SYT1: variants seen among roughly 807,000 people sequenced by gnomAD.
SYT1 encodes synaptotagmin 1, also known as synaptotagmin-1.
A neutral mutation model predicts 44.8 loss-of-function variants in SYT1; 8 were observed. The observed-to-expected ratio is 0.18, with a 90% CI of 0.10 to 0.32. The LOEUF is 0.32. Among genes scored for constraint, SYT1 ranks in the 10% least tolerant of loss-of-function variants. The pLI, the probability that SYT1 is intolerant of heterozygous loss-of-function variation, is 1.00. For missense variants in SYT1, 286 were observed against 509.3 expected, an observed-to-expected ratio of 0.56 and a Z score of 4.22; for synonymous variants, 154 against 188.8, an observed-to-expected ratio of 0.82 and a Z score of 1.51.
At chr12:79,202,939 A>C (rs1873875419) in intron 3 of SYT1, among the ~76,000 whole-genome samples, 2 of 152,162 alleles carry the variant, frequency 1.3e-5, no homozygotes, top group Non-Finnish European at 2.9e-5. Flanking sequence ...TGTAGGGAAG[A>C]CACAACCCTG....
chr12:79,224,768 T>TATTATC (rs1875405053), intron 4 of SYT1, among the ~76,000 whole-genome samples: 1 of 122,344 alleles, frequency 8.2e-6, no homozygotes, highest in Non-Finnish European at 1.7e-5. Context: ...TTATTATTAT[T>TATTATC]ATTATTATTA....
At chr12:79,041,298 A>T (rs1873550497) in intron 2 of SYT1, among the ~76,000 whole-genome samples, 1 of 151,930 alleles carries the variant, frequency 6.6e-6, no homozygotes, top group Non-Finnish European at 1.5e-5. Context: ...CTTTTATTTC[A>T]TTGAGCAGTG....
intron 9 of SYT1, among the ~76,000 whole-genome samples, chr12:79,398,683 A>T (rs373531181): frequency 2.0e-5 from 3 of 152,208 alleles, no homozygotes; most frequent in African/African-American, 7.2e-5. Context: ...ATTTGTCAAC[A>T]GTAGACATGT....
At chr12:79,275,880 G>T (rs1378775098) in intron 4 of SYT1, among the ~76,000 whole-genome samples, 1 of 152,110 alleles carries the variant, frequency 6.6e-6, no homozygotes, top group Admixed American at 6.6e-5. Flanking sequence ...TAGCCCCACA[G>T]GAGACAGTAA....
intron 2 of SYT1, among the ~76,000 whole-genome samples, chr12:79,027,178 G>C (rs1872588365): frequency 6.6e-6 from 1 of 151,462 alleles, no homozygotes; most frequent in African/African-American, 2.4e-5. Flanking sequence ...TTCTTACCTG[G>C]ATCCTCAGCT....
chr12:79,139,041 G>A (rs532556379), intron 3 of SYT1, among the ~76,000 whole-genome samples: 2 of 152,310 alleles, frequency 1.3e-5, no homozygotes, highest in South Asian at 4.1e-4. Flanking sequence ...AGCCTCCAGT[G>A]TGGCTTAGCC....
At chr12:79,167,420 G>GTGTGTTTA (rs1871282592) in intron 3 of SYT1, among the ~76,000 whole-genome samples, 1 of 151,988 alleles carries the variant, frequency 6.6e-6, no homozygotes, top group Non-Finnish European at 1.5e-5. Context: ...GTGTGTGTTT[G>GTGTGTTTA]TGTGTGCTTG....
chr12:79,347,084 A>G (rs1592987143), intron 8 of SYT1, among the ~76,000 whole-genome samples: 2 of 133,206 alleles, frequency 1.5e-5, no homozygotes, highest in East Asian at 2.2e-4. Flanking sequence ...CTTAATGGTT[A>G]GGAGTAATTT....
chr12:79,206,248 T>A (rs1436981949), intron 3 of SYT1, among the ~76,000 whole-genome samples: 1 of 152,262 alleles, frequency 6.6e-6, no homozygotes, highest in Non-Finnish European at 1.5e-5. Context: ...ATACCATTTC[T>A]GCAAATATTG....
At chr12:79,145,152 C>T (rs1431810151) in intron 3 of SYT1, among the ~76,000 whole-genome samples, 1 of 152,176 alleles carries the variant, frequency 6.6e-6, no homozygotes, top group Non-Finnish European at 1.5e-5. Context: ...TACTCTTGTT[C>T]ATTTCTACTC....
At chr12:79,249,537 A>C (rs1666684803) in intron 4 of SYT1, among the ~76,000 whole-genome samples, 1 of 152,158 alleles carries the variant, frequency 6.6e-6, no homozygotes, top group Non-Finnish European at 1.5e-5. Context: ...CAGCCCAATC[A>C]GGTAGTTAAA....
intron 9 of SYT1, among the ~76,000 whole-genome samples, chr12:79,417,667 A>G (rs140404662): frequency 1.3e-5 from 2 of 152,152 alleles, no homozygotes; most frequent in Non-Finnish European, 2.9e-5. Context: ...TGCCTCTCCA[A>G]ATGGCATCAC....
At chr12:79,439,032 TACC>T (rs1348397265) in intron 9 of SYT1, among the ~76,000 whole-genome samples, 2 of 152,168 alleles carry the variant, frequency 1.3e-5, no homozygotes, top group Non-Finnish European at 2.9e-5. Flanking sequence ...CAATACATAC[TACC>T]ACATCTCTAA....
intron 8 of SYT1, among the ~76,000 whole-genome samples, chr12:79,336,749 C>T (rs1380397247): frequency 6.6e-6 from 1 of 152,194 alleles, no homozygotes. Context: ...TCCACCTCGG[C>T]CTCTGGAATA....
At chr12:79,076,148 A>T (rs1324508260) in intron 3 of SYT1, among the ~76,000 whole-genome samples, 1 of 152,100 alleles carries the variant, frequency 6.6e-6, no homozygotes, top group Non-Finnish European at 1.5e-5. Flanking sequence ...GAGAAGTATG[A>T]TGTGATCTAA....
chr12:79,021,461 T>C (rs1326186317), intron 2 of SYT1, among the ~76,000 whole-genome samples: 3 of 151,874 alleles, frequency 2.0e-5, no homozygotes, highest in Admixed American at 6.6e-5. Flanking sequence ...CATATATAGA[T>C]AGTGAGGAGA....
At chr12:79,267,867 T>C (rs1878216265) in intron 4 of SYT1, among the ~76,000 whole-genome samples, 1 of 152,240 alleles carries the variant, frequency 6.6e-6, no homozygotes, top group East Asian at 1.9e-4. Flanking sequence ...ATTTTGCATG[T>C]CAAATGTCAG....
At chr12:79,350,532 G>A (rs1882853074) in intron 8 of SYT1, among the ~76,000 whole-genome samples, 2 of 152,166 alleles carry the variant, frequency 1.3e-5, no homozygotes, top group Admixed American at 6.5e-5. Flanking sequence ...GATTACAGGC[G>A]TGAGCCACCG....
At chr12:79,353,452 A>G (rs1354468685) in intron 8 of SYT1, 50 bp from the exon 9 acceptor site, 1 of 1,305,654 alleles carries the variant, frequency 7.7e-7, no homozygotes, top group Non-Finnish European at 1.1e-6. Context: ...TTAAAACTCT[A>G]TTTACTTGTA....
Sources: gnomAD v4.1 joint callset for allele counts (sites outside exome capture counted in the v4.1 genomes callset) on GRCh38, gnomAD v4.1.1 for gene constraint, MANE v1.5 for transcripts, NCBI Gene and HGNC (gene_info 2026-07-23, HGNC 2026-07-21) for gene names.